Variants in LOXL2 observed in about 807,000 individuals in gnomAD.
LOXL2 encodes lysyl oxidase homolog 2.
LOXL2 carries 70 observed loss-of-function variants against 93.0 expected under a neutral mutation model. That is an observed-to-expected ratio of 0.75 (90% CI 0.62 to 0.92). LOXL2 has a LOEUF of 0.92. Among genes scored for constraint, LOXL2 ranks in the 40% least tolerant of loss-of-function variants. The pLI, the probability that LOXL2 is intolerant of heterozygous loss-of-function variation, is 0.00. For synonymous variants in LOXL2, 438 were observed against 413.2 expected, an observed-to-expected ratio of 1.06 and a Z score of -0.73; for missense variants, 973 against 1,054.9, an observed-to-expected ratio of 0.92 and a Z score of 1.08.
intron 1 of LOXL2, among the ~76,000 whole-genome samples, chr8:23,374,386 T>C (rs1443392831): frequency 6.6e-6 from 1 of 152,186 alleles, no homozygotes; most frequent in Admixed American, 6.5e-5. Context: ...TCTTTGCTAT[T>C]GTGAATAGTG....
Position 23,297,826 on chromosome 8 carries a change from A to T in LOXL2, c.*217T>A. On this transcript the variant is annotated 3_prime_UTR_variant, in exon 14 of 14. Coordinates refer to ENST00000389131, the MANE Select transcript of LOXL2 (RefSeq NM_002318.3). ...CTCTGTGGACAAACCCCACCCCCGC[A>T]AGGCCTTCTCAGGCCCCAAGGGTCA... The T allele has an allele frequency of 1.9e-6, 1 of 525,552 alleles. No individual in the cohort carries two copies. The highest frequency in any genetic ancestry group is 3.4e-6 in the Non-Finnish European group (1 of 294,062). 32.6% of individuals were successfully genotyped at this position (525,552 alleles called of 1,614,324 possible).
At chr8:23,335,282 C>T (rs902222492) in intron 4 of LOXL2, among the ~76,000 whole-genome samples, 6 of 152,016 alleles carry the variant, frequency 3.9e-5, no homozygotes, top group African/African-American at 1.2e-4. Context: ...AGGGTGGTCT[C>T]GAAGTCCTGA....
At chr8:23,341,236 A>C in intron 3 of LOXL2, 33 bp from the exon 4 acceptor site, 3 of 1,556,442 alleles carry the variant, frequency 1.9e-6, no homozygotes, top group Non-Finnish European at 2.7e-6. Flanking sequence ...GGAGAGGGTT[A>C]CCCTACTGGC....
chr8:23,322,061 C>T (rs1022437432), intron 7 of LOXL2, 69 bp downstream of exon 7: 1 of 1,554,872 alleles, frequency 6.4e-7, no homozygotes, highest in African/African-American at 1.4e-5. Context: ...CAGGGTTCAC[C>T]CCAGAGCTCT....
Position 23,328,398 on chromosome 8 carries a change from G to T in LOXL2, c.1134C>A (p.Gly378=), listed in dbSNP as rs141000511. ...GFGSAKEAVT[G]SRLGQGIGPI... Reference sequence around the variant, plus strand: ...ATTCCTTACCTTGCCCCAGTCGGGAGCCAGTGACTGCCTCTTTGGCACTCC... The same window carrying T: ...ATTCCTTACCTTGCCCCAGTCGGGATCCAGTGACTGCCTCTTTGGCACTCC... The change falls in exon 6 of 14, where the codon GGC becomes GGA. Residue 378 remains glycine, a synonymous_variant. Transcript: ENST00000389131. The T allele has an allele frequency of 3.3e-5, 53 of 1,613,964 alleles. No individual in the cohort carries two copies. In the African/African-American group the frequency reaches 6.3e-4, roughly 19 times the overall value.
At position 23,328,686 on chromosome 8, in the gene LOXL2, C is replaced by G. The variant is rs1188928288; in HGVS notation, c.967-121G>C. 6 of 818,034 alleles carry G rather than the reference C, an allele frequency of 7.3e-6. No individual in the cohort carries two copies. In the East Asian group the frequency reaches 1.0e-4, roughly 14 times the overall value. The allele number at this position is 818,034 out of a possible 1,614,324, so 50.7% of individuals were successfully genotyped here. On this transcript the variant is annotated intron_variant, in intron 5 of 13. Transcript: ENST00000389131. ...CCAGGCCAGGCACTCAGTCTGGGAG[C>G]TGCAACTATGCTTGATGTATGGATG... is the stretch of plus-strand genomic sequence containing the variant.
rs1351625504 is a variant in LOXL2 at position 23,319,971 on chromosome 8, T to C, written c.1384A>G (p.Met462Val). ...VERNGSLVWG[M>V]VCGQNWGIVE... is the part of the protein sequence containing the mutation. ...ATGCCCCAGTTTTGGCCACACACCA[T>C]CCCCCACACAAGGGACCCGTTTCTC... The change falls in exon 8 of 14, where the codon ATG (methionine) becomes GTG (valine). Residue 462 changes from methionine to valine, a missense_variant. Met to Val is a conservative substitution (Grantham distance 21). Coordinates refer to ENST00000389131, the MANE Select transcript of LOXL2 (RefSeq NM_002318.3). The C allele has an allele frequency of 1.4e-5, 23 of 1,613,646 alleles. No individual in the cohort carries two copies. Among genetic ancestry groups the C allele is most frequent in the Non-Finnish European group, 1.9e-5 (22 of 1,179,904 alleles).
chr8:23,385,241 T>C (rs1804741124), intron 1 of LOXL2, among the ~76,000 whole-genome samples: 1 of 140,888 alleles, frequency 7.1e-6, no homozygotes, highest in South Asian at 2.3e-4. Flanking sequence ...TTGGATTTTT[T>C]TTCTTTTTTT....
At chr8:23,341,454 GAA>G (rs1376336959) in intron 3 of LOXL2, 1 of 546,118 alleles carries the variant, frequency 1.8e-6, no homozygotes, top group Non-Finnish European at 3.3e-6. Flanking sequence ...GGAACAGTCA[GAA>G]AAGACTCAGA....
intron 1 of LOXL2, among the ~76,000 whole-genome samples, chr8:23,387,957 CA>C (rs1804788998): frequency 1.3e-5 from 2 of 152,004 alleles, no homozygotes; most frequent in Admixed American, 1.3e-4. Flanking sequence ...CTCAAACAAA[CA>C]AACAAAAAAA....
intron 1 of LOXL2, among the ~76,000 whole-genome samples, chr8:23,390,295 G>A (rs187971564): frequency 3.5e-4 from 53 of 152,360 alleles, no homozygotes; most frequent in African/African-American, 1.2e-3. Context: ...CTCAGAGAAT[G>A]AGGGAAGTGG....
intron 1 of LOXL2, among the ~76,000 whole-genome samples, chr8:23,381,524 G>A (rs1383756344): frequency 6.6e-6 from 1 of 152,144 alleles, no homozygotes; most frequent in African/African-American, 2.4e-5. Flanking sequence ...AAGCAAAAAA[G>A]GGTATTTTGT....
At chr8:23,320,315 C>T (rs1466404694) in intron 7 of LOXL2, among the ~76,000 whole-genome samples, 1 of 152,206 alleles carries the variant, frequency 6.6e-6, no homozygotes, top group African/African-American at 2.4e-5. Context: ...TGACCCTGCT[C>T]CCCATGAGCC....
intron 6 of LOXL2, 147 bp downstream of exon 6, chr8:23,328,235 G>A: frequency 1.3e-6 from 1 of 783,464 alleles, no homozygotes; most frequent in Non-Finnish European, 2.1e-6. Context: ...TCTGTCTAGG[G>A]AGAGGCCTGG....
intron 1 of LOXL2, among the ~76,000 whole-genome samples, chr8:23,386,460 A>T (rs28391397): frequency 4.6e-5 from 7 of 152,184 alleles, no homozygotes; most frequent in Non-Finnish European, 1.5e-5. Context: ...GAATAAACAA[A>T]TATGTAAGTT....
At chr8:23,397,936 G>C (rs1800112342) in intron 1 of LOXL2, among the ~76,000 whole-genome samples, 1 of 144,424 alleles carries the variant, frequency 6.9e-6, no homozygotes, top group Non-Finnish European at 1.5e-5. Flanking sequence ...ACTCCAGCCT[G>C]GGTGACAGAG....
chr8:23,351,340 G>A (rs897259576), intron 3 of LOXL2, among the ~76,000 whole-genome samples: 10 of 152,114 alleles, frequency 6.6e-5, no homozygotes, highest in South Asian at 2.1e-4. Flanking sequence ...CCTGCAGAGC[G>A]GACCTGCCCA....
At chr8:23,300,540 C>T (rs905198237) in intron 12 of LOXL2, among the ~76,000 whole-genome samples, 8 of 152,206 alleles carry the variant, frequency 5.3e-5, no homozygotes, top group East Asian at 3.8e-4. Flanking sequence ...GTCCCCAGGC[C>T]GGTGCTTGTG....
intron 1 of LOXL2, among the ~76,000 whole-genome samples, chr8:23,399,077 T>C (rs1488306343): frequency 6.6e-6 from 1 of 152,214 alleles, no homozygotes; most frequent in Non-Finnish European, 1.5e-5. Flanking sequence ...TCTGGTTGCA[T>C]CTCTGTGAAT....
Sources: allele counts gnomAD v4.1 joint callset (sites outside exome capture counted in the v4.1 genomes callset), GRCh38; gene constraint gnomAD v4.1.1; transcripts MANE v1.5; gene names NCBI Gene and HGNC (gene_info 2026-07-23, HGNC 2026-07-21).